The following TRIM34 variants were observed in gnomAD, a reference collection of about 807,000 sequenced individuals.
TRIM34 encodes the protein tripartite motif containing 34.
Under a neutral mutation model 38.1 loss-of-function variants are expected in TRIM34, and 41 were observed. The ratio of observed to expected loss-of-function variants is 1.08; its 90% confidence interval spans 0.84 to 1.40. The LOEUF (loss-of-function observed/expected upper bound fraction) is 1.40, where lower values mean the gene tolerates loss of function less well. Among genes scored for constraint, TRIM34 ranks in the 40% most tolerant of loss-of-function variants. The pLI, the probability that TRIM34 is intolerant of heterozygous loss-of-function variation, is 0.00. For missense variants in TRIM34, 556 were observed against 571.4 expected (o/e 0.97, Z 0.27); for synonymous variants, 200 against 202.5 (o/e 0.99, Z 0.10).
intron 4 of TRIM34, among the ~76,000 whole-genome samples, chr11:5,637,207 T>C (rs7103069): frequency 0.043 from 6,529 of 152,222 alleles, 454 homozygotes; most frequent in African/African-American, 0.15. Context: ...ATTTGTGGTA[T>C]GTCTCCTCCA....
At chr11:5,623,348 TTTTA>T (rs970925096), upstream of TRIM34, among the ~76,000 whole-genome samples, 32 of 151,824 alleles carry the variant, frequency 2.1e-4, no homozygotes, top group African/African-American at 7.3e-4. Context: ...ATTATAATAC[TTTTA>T]TTTATTTTGT....
intron 4 of TRIM34, among the ~76,000 whole-genome samples, chr11:5,637,444 T>C (rs1392196978): frequency 6.6e-6 from 1 of 152,242 alleles, no homozygotes; most frequent in Non-Finnish European, 1.5e-5. Context: ...TTAGGTTGTT[T>C]CCCTTATAAA....
At chr11:5,634,992 T>C in intron 4 of TRIM34, 131 bp downstream of exon 4, 1 of 885,688 alleles carries the variant, frequency 1.1e-6, no homozygotes, top group East Asian at 2.8e-5. Flanking sequence ...ATTCTAGATG[T>C]CATGGACATG....
In TRIM34 at chr11:5,644,315, G is replaced by A. The variant is rs1200413211; in HGVS notation, c.*606G>A. On this transcript the variant is annotated 3_prime_UTR_variant, in exon 8 of 8. Transcript: ENST00000429814. ...ACTGTACCTAACTATTAAGATCACTGTGTAAAACTAAGTGTCTCTAAATGT... is the reference window on the plus strand; with the variant it reads ...ACTGTACCTAACTATTAAGATCACTATGTAAAACTAAGTGTCTCTAAATGT... 2 of 398,452 alleles carry A rather than the reference G, an allele frequency of 5.0e-6. No individual in the cohort carries two copies. The highest frequency in any genetic ancestry group is 4.1e-5 in the African/African-American group (2 of 48,630). The allele number at this position is 398,452 out of a possible 1,614,324, so 24.7% of individuals were successfully genotyped here.
At chr11:5,635,254 A>ATTTTT (rs35208771) in intron 4 of TRIM34, among the ~76,000 whole-genome samples, 1 of 128,320 alleles carries the variant, frequency 7.8e-6, no homozygotes, top group South Asian at 2.4e-4. Flanking sequence ...TTCCCTGTTA[A>ATTTTT]TTTTTTTTTT....
At chr11:5,635,199 T>C (rs1047609405) in intron 4 of TRIM34, among the ~76,000 whole-genome samples, 5 of 151,284 alleles carry the variant, frequency 3.3e-5, no homozygotes, top group South Asian at 4.2e-4. Context: ...ATTTAAGAAA[T>C]GTGTTCTATT....
chr11:5,628,861 C>G (rs1408484874), intron 1 of TRIM34, among the ~76,000 whole-genome samples: 3 of 151,600 alleles, frequency 2.0e-5, no homozygotes, highest in Admixed American at 2.0e-4. Flanking sequence ...TCTCTCCTAG[C>G]TTCTGGTGGT....
chr11:5,627,198 A>G (rs1375608500), intron 1 of TRIM34, among the ~76,000 whole-genome samples: 1 of 152,060 alleles, frequency 6.6e-6, no homozygotes, highest in East Asian at 1.9e-4. Flanking sequence ...CCTGGCCAAC[A>G]TGGTGAAACT....
At chr11:5,638,074 C>A (rs1442890098) in intron 4 of TRIM34, among the ~76,000 whole-genome samples, 1 of 152,164 alleles carries the variant, frequency 6.6e-6, no homozygotes, top group Non-Finnish European at 1.5e-5. Context: ...TGTAAATCAG[C>A]GTATCCAATC....
intron 3 of TRIM34, among the ~76,000 whole-genome samples, chr11:5,634,263 A>G (rs76666744): frequency 0.03 from 4,567 of 152,178 alleles, 214 homozygotes; most frequent in African/African-American, 0.1. Context: ...ATGAATATCC[A>G]GGAAAGCTAT....
intron 4 of TRIM34, among the ~76,000 whole-genome samples, chr11:5,636,922 G>T (rs1849760042): frequency 6.6e-6 from 1 of 152,160 alleles, no homozygotes; most frequent in Non-Finnish European, 1.5e-5. Context: ...CGAGGTGGGT[G>T]GATCACGAGG....
At chr11:5,632,149 T>A (rs190027823) in intron 1 of TRIM34, 106 bp from the exon 2 acceptor site, 69 of 1,466,152 alleles carry the variant, frequency 4.7e-5, no homozygotes, top group Admixed American at 9.9e-5. Context: ...CTTCCTCATC[T>A]TCTTTGTTCT....
chr11:5,641,158 T>A lies in TRIM34; in HGVS notation c.751-9T>A. ...ACACTTTGACTCATGTTTTCTCTTT[T>A]CTTTCTAGGACATGAGTGGAATCAT... On this transcript the variant is annotated splice_polypyrimidine_tract_variant and intron_variant, in intron 4 of 7. Transcript: ENST00000429814. 1 of 1,613,608 alleles carries A rather than the reference T, an allele frequency of 6.2e-7. No individual in the cohort carries two copies. Among genetic ancestry groups the A allele is most frequent in the South Asian group, 1.1e-5 (1 of 90,930 alleles).
chr11:5,642,552 G>A (rs758655752), intron 6 of TRIM34, 46 bp downstream of exon 6: 62 of 1,603,250 alleles, frequency 3.9e-5, no homozygotes, highest in African/African-American at 1.3e-5. Context: ...TTGTTGTGGT[G>A]TCAGGTAATA....
intron 7 of TRIM34, 79 bp downstream of exon 7, chr11:5,642,922 CT>C (rs1850079660): frequency 6.3e-7 from 1 of 1,578,654 alleles, no homozygotes; most frequent in South Asian, 1.1e-5. Context: ...ATCTTCTGAT[CT>C]TAGCCTCATG....
upstream of TRIM34, among the ~76,000 whole-genome samples, chr11:5,623,626 C>A: frequency 6.6e-6 from 1 of 151,664 alleles, no homozygotes; most frequent in Middle Eastern, 3.2e-3. Context: ...GTGATCCGCC[C>A]GCCTCAACCT....
At chr11:5,625,721 A>G (rs1251294544) in intron 1 of TRIM34, among the ~76,000 whole-genome samples, 1 of 146,174 alleles carries the variant, frequency 6.8e-6, no homozygotes, top group Non-Finnish European at 1.5e-5. Context: ...TGCAGGTCTC[A>G]GGGCTCTCCT....
intron 4 of TRIM34, among the ~76,000 whole-genome samples, chr11:5,639,639 C>G (rs1212210174): frequency 7.3e-6 from 1 of 137,256 alleles, no homozygotes. Flanking sequence ...AAGTTCGCAC[C>G]ACTGCACTCC....
At chr11:5,627,419 A>C (rs547415807) in intron 1 of TRIM34, among the ~76,000 whole-genome samples, 2 of 152,296 alleles carry the variant, frequency 1.3e-5, no homozygotes, top group Admixed American at 1.3e-4. Flanking sequence ...CAGCAAGACT[A>C]GTGGAAGAAC....
Sources: allele counts gnomAD v4.1 joint callset (sites outside exome capture counted in the v4.1 genomes callset), GRCh38; gene constraint gnomAD v4.1.1; transcripts MANE v1.5; gene names NCBI Gene and HGNC (gene_info 2026-07-23, HGNC 2026-07-21).